SPPL3: variants seen among roughly 807,000 people sequenced by gnomAD.
The protein encoded by SPPL3 is signal peptide peptidase like 3, also known as signal peptide peptidase-like 3.
Under a neutral mutation model 42.4 loss-of-function variants are expected in SPPL3, and 5 were observed. The observed-to-expected ratio is 0.12, with a 90% CI of 0.06 to 0.25. The LOEUF is 0.25. Among genes scored for constraint, SPPL3 ranks in the 10% least tolerant of loss-of-function variants. The probability of loss-of-function intolerance (pLI) is 1.00; values close to 1 mark genes in which losing one functional copy is unlikely to be tolerated. For synonymous variants in SPPL3, 195 were observed against 181.8 expected, an observed-to-expected ratio of 1.07 and a Z score of -0.58; for missense variants, 235 against 489.0, an observed-to-expected ratio of 0.48 and a Z score of 4.90.
rs571789879 is a variant in SPPL3, at chr12:120,764,517, G to A, written c.*482C>T. The A allele has an allele frequency of 1.0e-5, 2 of 200,064 alleles. No individual in the cohort carries two copies. Among genetic ancestry groups the A allele is most frequent in the African/African-American group, 2.3e-5 (1 of 43,404 alleles). The allele number at this position is 200,064 out of a possible 1,614,324, so 12.4% of individuals were successfully genotyped here. A position where few individuals can be genotyped will look rare whatever the true frequency, so the allele number is the denominator to read the frequency against. On this transcript the variant is annotated 3_prime_UTR_variant, in exon 11 of 11. Coordinates refer to ENST00000353487, the MANE Select transcript of SPPL3 (RefSeq NM_139015.5). ...CAAAAAAAGGAAAGAAGAATATAAC[G>A]ACAGAAGAGCTTCTGTCTCAGTTCT...
chr12:120,802,377 A>ATG lies in SPPL3; in HGVS notation c.101+8430_101+8431dup, dbSNP rs1490066618. 1.3e-4 allele frequency among the ~76,000 whole-genome samples: 18 copies of ATG among 139,972 alleles called. No individual in the cohort carries two copies. In the East Asian group the frequency reaches 1.8e-3, roughly 14 times the overall value. The allele number at this position is 139,972 out of a possible 152,430, so 91.8% of individuals were successfully genotyped here. A position where few individuals can be genotyped will look rare whatever the true frequency, so the allele number is the denominator to read the frequency against. Reference sequence around the variant, plus strand: ...TATGTGTGTATATATATACATATATATGTATATATATACACATATATGTGT... The same window carrying ATG: ...TATGTGTGTATATATATACATATATATGTGTATATATATACACATATATGTGT... On this transcript the variant is annotated intron_variant, in intron 2 of 10. Transcript: ENST00000353487.
intron 9 of SPPL3, 75 bp from the exon 10 acceptor site, chr12:120,766,447 G>GC: frequency 8.3e-7 from 1 of 1,203,800 alleles, no homozygotes; most frequent in Non-Finnish European, 1.2e-6. Flanking sequence ...GCAAAGTCCT[G>GC]CAACTGTACA....
intron 1 of SPPL3, among the ~76,000 whole-genome samples, chr12:120,853,229 C>T (rs551686032): frequency 2.6e-5 from 4 of 152,184 alleles, no homozygotes; most frequent in African/African-American, 4.8e-5. Context: ...ATCTTATCTG[C>T]TCATCCACTT....
At chr12:120,845,297 C>T in intron 1 of SPPL3, 2 of 348,222 alleles carry the variant, frequency 5.7e-6, no homozygotes, top group Admixed American at 7.7e-5. Flanking sequence ...CCCAGGAGGA[C>T]AGTATCCCAG....
intron 2 of SPPL3, among the ~76,000 whole-genome samples, chr12:120,809,583 A>T (rs1870613530): frequency 6.6e-6 from 1 of 152,196 alleles, no homozygotes; most frequent in Non-Finnish European, 1.5e-5. Context: ...ATTTTCTGGT[A>T]GGTTCATCAG....
intron 1 of SPPL3, among the ~76,000 whole-genome samples, chr12:120,816,272 T>C (rs2137005299): frequency 6.6e-6 from 1 of 152,360 alleles, no homozygotes; most frequent in African/African-American, 2.4e-5. Flanking sequence ...AGATGTTTAA[T>C]GGTTTCTTCT....
intron 1 of SPPL3, among the ~76,000 whole-genome samples, chr12:120,902,833 G>A (rs1874025447): frequency 6.6e-6 from 1 of 152,076 alleles, no homozygotes; most frequent in Non-Finnish European, 1.5e-5. Flanking sequence ...CTCCAGCTAT[G>A]ACTTCCTTCT....
At position 120,778,197 on chromosome 12, in the gene SPPL3, A is replaced by G. The variant is rs920277828; in HGVS notation, c.502+4458T>C. On this transcript the variant is annotated intron_variant, in intron 6 of 10. Coordinates refer to ENST00000353487, the MANE Select transcript of SPPL3 (RefSeq NM_139015.5). ...AGTGGTGTGATCTCGGCTCACTGCA[A>G]CCTCCACCTCCTGGGTTGAAGCGAT... Among the ~76,000 whole-genome samples the G allele has an allele frequency of 1.5e-4, 20 of 132,746 alleles. 1 individual carries two copies. Among genetic ancestry groups the G allele is most frequent in the South Asian group, 1.5e-3 (6 of 4,124 alleles). The allele number at this position is 132,746 out of a possible 152,430, so 87.1% of individuals were successfully genotyped here.
intron 1 of SPPL3, among the ~76,000 whole-genome samples, chr12:120,896,944 C>T (rs561088352): frequency 5.3e-5 from 8 of 152,270 alleles, no homozygotes; most frequent in African/African-American, 1.7e-4. Context: ...ACTGCCATGA[C>T]AGCAGTCACA....
chr12:120,886,299 T>C (rs1445981488), intron 1 of SPPL3, among the ~76,000 whole-genome samples: 1 of 152,158 alleles, frequency 6.6e-6, no homozygotes, highest in African/African-American at 2.4e-5. Flanking sequence ...TCTCTAACAC[T>C]ATAAACTTCT....
intron 1 of SPPL3, among the ~76,000 whole-genome samples, chr12:120,902,875 G>A (rs2137075730): frequency 6.6e-6 from 1 of 152,178 alleles, no homozygotes; most frequent in South Asian, 2.1e-4. Flanking sequence ...CATGGATACT[G>A]CCATCATTCC....
At chr12:120,830,564 T>G (rs1454507073) in intron 1 of SPPL3, among the ~76,000 whole-genome samples, 199 of 1,150 alleles carry the variant, frequency 0.17, no homozygotes, top group South Asian at 0.21. Flanking sequence ...GGGGGAGGGG[T>G]GGGGGAGGGG....
intron 1 of SPPL3, among the ~76,000 whole-genome samples, chr12:120,882,921 G>C (rs983032848): frequency 2.0e-5 from 3 of 150,614 alleles, no homozygotes; most frequent in African/African-American, 7.3e-5. Context: ...GGTAATGCTA[G>C]AGATCGTTGA....
Position 120,903,903 on chromosome 12 carries a change from G to C in SPPL3, c.-36C>G. The C allele has an allele frequency of 2.2e-6, 3 of 1,346,972 alleles. No individual in the cohort carries two copies. Among genetic ancestry groups the C allele is most frequent in the Non-Finnish European group, 1.9e-6 (2 of 1,050,982 alleles). 83.4% of individuals were successfully genotyped at this position (1,346,972 alleles called of 1,614,324 possible). ...CTCGTGGGCTCCGCTGCAGGCTGTG[G>C]CCGGGCCCGGCGGCGGCGGGCTCGC... On this transcript the variant is annotated 5_prime_UTR_variant, in exon 1 of 11. Transcript: ENST00000353487.
chr12:120,829,743 C>G (rs1871338573), intron 1 of SPPL3, among the ~76,000 whole-genome samples: 1 of 151,892 alleles, frequency 6.6e-6, no homozygotes, highest in Admixed American at 6.6e-5. Context: ...ACCTGCAATC[C>G]CAGTACTTTG....
chr12:120,830,520 T>G (rs1274719937), intron 1 of SPPL3, among the ~76,000 whole-genome samples: 19 of 602 alleles, frequency 0.032, no homozygotes, highest in Non-Finnish European at 0.048. Flanking sequence ...GGGGGAGGGG[T>G]GGGGAGGGGG....
intron 1 of SPPL3, among the ~76,000 whole-genome samples, chr12:120,891,542 T>A (rs935133066): frequency 3.5e-4 from 54 of 152,184 alleles, no homozygotes; most frequent in African/African-American, 9.9e-4. Context: ...ATTAAAAAAA[T>A]TTTTTTAGCT....
rs1211083496 is a variant in SPPL3 at position 120,904,044 on chromosome 12, G to A, written c.-177C>T. The A allele has an allele frequency of 1.9e-5, 8 of 421,238 alleles. No homozygotes were observed. Among genetic ancestry groups the A allele is most frequent in the Non-Finnish European group, 2.3e-5 (6 of 261,512 alleles). 26.1% of individuals were successfully genotyped at this position (421,238 alleles called of 1,614,324 possible). A position where few individuals can be genotyped will look rare whatever the true frequency, so the allele number is the denominator to read the frequency against. On this transcript the variant is annotated 5_prime_UTR_variant, in exon 1 of 11. Coordinates refer to ENST00000353487, the MANE Select transcript of SPPL3 (RefSeq NM_139015.5). ...GGCTGGCGGGGAGAGGCCGGGCTCC[G>A]AAGCGGCCCCGCTCCCTGGGCCCCG...
chr12:120,784,630 T>C, intron 3 of SPPL3, 37 bp from the exon 4 acceptor site: 2 of 1,561,588 alleles, frequency 1.3e-6, no homozygotes, highest in South Asian at 2.4e-5. Flanking sequence ...TAACTTATTA[T>C]GCACCAGGCA....
Sources: gnomAD v4.1 joint callset for allele counts (sites outside exome capture counted in the v4.1 genomes callset) on GRCh38, gnomAD v4.1.1 for gene constraint, MANE v1.5 for transcripts, NCBI Gene and HGNC (gene_info 2026-07-23, HGNC 2026-07-21) for gene names.